ANAPC4: variants seen among roughly 807,000 people sequenced by gnomAD.
ANAPC4 encodes the protein anaphase-promoting complex subunit 4.
Under a neutral mutation model 119.8 loss-of-function variants are expected in ANAPC4, and 63 were observed. The ratio of observed to expected loss-of-function variants is 0.53; its 90% CI spans 0.43 to 0.65. ANAPC4 has a LOEUF of 0.65. Ranked by LOEUF, ANAPC4 falls within the 30% of genes least tolerant of loss-of-function variation. The pLI is 0.00. For missense variants in ANAPC4, 716 were observed against 945.1 expected (o/e 0.76, Z 3.18); for synonymous variants, 283 against 318.6 (o/e 0.89, Z 1.19).
chr4:25,409,261 A>G (rs1484674969), intron 20 of ANAPC4, among the ~76,000 whole-genome samples: 1 of 152,230 alleles, frequency 6.6e-6, no homozygotes, highest in Non-Finnish European at 1.5e-5. Context: ...TATAACTTGC[A>G]TATGTTAAAT....
intron 16 of ANAPC4, among the ~76,000 whole-genome samples, chr4:25,398,064 C>G (rs1722756702): frequency 6.6e-6 from 1 of 152,114 alleles, no homozygotes; most frequent in Non-Finnish European, 1.5e-5. Flanking sequence ...TTACGCCAAG[C>G]TTTCTCTTTG....
intron 16 of ANAPC4, among the ~76,000 whole-genome samples, chr4:25,397,837 C>CTT (rs1398676767): frequency 6.6e-6 from 1 of 151,468 alleles, no homozygotes; most frequent in East Asian, 1.9e-4. Flanking sequence ...GGGTGTGGGC[C>CTT]TTTTAATTCA....
At chr4:25,408,756 C>T (rs1037594374) in intron 20 of ANAPC4, among the ~76,000 whole-genome samples, 2 of 151,828 alleles carry the variant, frequency 1.3e-5, no homozygotes, top group East Asian at 1.9e-4. Flanking sequence ...GCCATGGCCT[C>T]CTAAAGTGCG....
rs1304521303 is a variant in ANAPC4, at chr4:25,388,849, C to G, written c.482C>G (p.Ser161Cys). Residue 161 changes from serine to cysteine, a missense_variant, in exon 7 of 29, where the codon TCT becomes TGT. By Grantham distance (112) the Ser-to-Cys change is moderately radical. Around this residue, in one of 3 missense-constraint regions of ANAPC4, gnomAD observed 202 missense variants for 293.5 expected, o/e 0.69. Transcript: ENST00000315368. ...CTTCTATATTTTAGTGAAGAAAATT[C>G]TGATGAAATTATTAAGCTCTTGGGA... ...NTSKIFSEENSDEIIKLLGDV... is the reference protein window; with the variant it reads ...NTSKIFSEENCDEIIKLLGDV... 1.2e-6 allele frequency: 2 copies of G among 1,604,436 alleles called. No individual in the cohort carries two copies. Among genetic ancestry groups the G allele is most frequent in the South Asian group, 1.1e-5 (1 of 89,378 alleles).
chr4:25,381,056 G>C (rs1337400959), intron 3 of ANAPC4, among the ~76,000 whole-genome samples: 1 of 152,160 alleles, frequency 6.6e-6, no homozygotes, highest in African/African-American at 2.4e-5. Flanking sequence ...TACAATGACA[G>C]TCTGTATTGG....
chr4:25,395,650 G>A (rs889004310), intron 14 of ANAPC4, among the ~76,000 whole-genome samples: 3 of 152,112 alleles, frequency 2.0e-5, no homozygotes, highest in Admixed American at 6.5e-5. Context: ...GGGTTTCACC[G>A]TGTTGGCCAG....
rs148959379 is a variant in ANAPC4, at chr4:25,409,051, C to T, written c.1432-647C>T. 4.6e-5 allele frequency among the ~76,000 whole-genome samples: 7 copies of T among 152,296 alleles called. No individual in the cohort carries two copies. The East Asian group carries it at 9.7e-4, about 21-fold the overall frequency. On this transcript the variant is annotated intron_variant, in intron 20 of 28. Coordinates refer to ENST00000315368, the MANE Select transcript of ANAPC4 (RefSeq NM_013367.3). ...CCTTGACTCTTGGCTGAGACACTTA[C>T]AGCTTTCCCCACCATCAGTACAAAT...
rs1412736320 is a variant in ANAPC4, at chr4:25,415,517, C to T, written c.1878C>T (p.Ala626=). ...IAIKFGSFTY[A]TTEKVRRSIY... is the part of the protein sequence containing the mutation. Reference sequence around the variant, plus strand: ...TTAAATTTGGGAGCTTTACATATGCCACAACAGAAAAAGTCAGAAGAAGGT... The same window carrying T: ...TTAAATTTGGGAGCTTTACATATGCTACAACAGAAAAAGTCAGAAGAAGGT... The change falls in exon 26 of 29, where the codon GCC becomes GCT. Residue 626 remains alanine, a synonymous_variant. Transcript: ENST00000315368. 3 of 1,612,734 alleles carry T rather than the reference C, an allele frequency of 1.9e-6. No individual in the cohort carries two copies. The highest frequency in any genetic ancestry group is 1.7e-5 in the Admixed American group (1 of 59,876).
intron 3 of ANAPC4, among the ~76,000 whole-genome samples, chr4:25,383,060 T>C (rs1178227134): frequency 6.6e-6 from 1 of 152,124 alleles, no homozygotes; most frequent in African/African-American, 2.4e-5. Context: ...TTTGAGCACT[T>C]GAAAATAAGC....
intron 21 of ANAPC4, 138 bp downstream of exon 21, chr4:25,409,929 A>G (rs556370810): frequency 2.3e-5 from 14 of 604,934 alleles, no homozygotes; most frequent in Middle Eastern, 2.6e-4. Flanking sequence ...ATTTGATTAT[A>G]GGAACAGCAA....
At chr4:25,417,913 T>G in intron 28 of ANAPC4, 174 bp downstream of exon 28, 1 of 979,706 alleles carries the variant, frequency 1.0e-6, no homozygotes, top group Non-Finnish European at 1.5e-6. Flanking sequence ...TAGTTCTTGT[T>G]CTGATAAAGC....
At position 25,394,714 on chromosome 4, in the gene ANAPC4, G is replaced by T. The variant is rs1203908703; in HGVS notation, c.984+1G>T. ...CTTGATGAATCAGTTAACAGTAAAG[G>T]TGCAGTTAATGTATCTATGTATTCA... is the stretch of plus-strand genomic sequence containing the variant. On this transcript the variant is annotated splice_donor_variant, in intron 13 of 28. Transcript: ENST00000315368. LOFTEE classifies it high-confidence loss of function. The T allele has an allele frequency of 1.2e-6, 2 of 1,604,240 alleles. No homozygotes were observed. Among genetic ancestry groups the T allele is most frequent in the South Asian group, 1.1e-5 (1 of 88,172 alleles).
intron 17 of ANAPC4, 109 bp downstream of exon 17, chr4:25,403,135 A>G: frequency 1.2e-6 from 1 of 846,468 alleles, no homozygotes; most frequent in Middle Eastern, 3.7e-4. Context: ...ACTTTGAGAG[A>G]ACTATATAAT....
At chr4:25,390,868 AGCAG>A in intron 8 of ANAPC4, 39 bp from the exon 9 acceptor site, 1 of 1,457,786 alleles carries the variant, frequency 6.9e-7, no homozygotes, top group Non-Finnish European at 9.6e-7. Flanking sequence ...GCTTCAACCT[AGCAG>A]TGATACTAAA....
At chr4:25,399,312 T>A (rs1446448640) in intron 16 of ANAPC4, among the ~76,000 whole-genome samples, 1 of 152,206 alleles carries the variant, frequency 6.6e-6, no homozygotes, top group Non-Finnish European at 1.5e-5. Context: ...TCCAGTATGA[T>A]AAGATGCAGT....
chr4:25,391,760 G>A (rs1722358254), intron 9 of ANAPC4, among the ~76,000 whole-genome samples: 2 of 152,218 alleles, frequency 1.3e-5, no homozygotes, highest in South Asian at 2.1e-4. Flanking sequence ...TGCAATGTGT[G>A]TGATGTCTTC....
chr4:25,394,621 T>A lies in ANAPC4; in HGVS notation c.942-50T>A, dbSNP rs558701553. ...AATTTAAAAGTTGTAAGTGATGCAT[T>A]CAGATTTCCAATAGAGAAGTGACTA... On this transcript the variant is annotated intron_variant, in intron 12 of 28. Transcript: ENST00000315368. 5.9e-6 allele frequency: 9 copies of A among 1,533,888 alleles called. No individual in the cohort carries two copies. The South Asian group carries it at 1.1e-4, about 19-fold the overall frequency.
At chr4:25,397,180 T>A (rs2109126611) in intron 16 of ANAPC4, among the ~76,000 whole-genome samples, 1 of 152,366 alleles carries the variant, frequency 6.6e-6, no homozygotes, top group East Asian at 1.9e-4. Flanking sequence ...GTTACCTCCA[T>A]ATTTCTAAAT....
intron 16 of ANAPC4, 64 bp downstream of exon 16, chr4:25,396,963 AC>A: frequency 6.9e-7 from 1 of 1,451,810 alleles, no homozygotes; most frequent in Non-Finnish European, 9.4e-7. Context: ...CTAAATAAGA[AC>A]CTAGTAAGCT....
Sources: gnomAD v4.1 joint callset for allele counts (sites outside exome capture counted in the v4.1 genomes callset) on GRCh38, gnomAD v4.1.1 for gene constraint, gnomAD v4.1.1 regional missense constraint, MANE v1.5 for transcripts, NCBI Gene and HGNC (gene_info 2026-07-23, HGNC 2026-07-21) for gene names.